The following CELF2 variants were observed in gnomAD, a reference collection of about 807,000 sequenced individuals.
CELF2 encodes the protein CUGBP Elav-like family member 2.
CELF2 carries 8 observed loss-of-function variants against 62.6 expected under a neutral mutation model. That is an observed-to-expected ratio of 0.13 (90% CI 0.07 to 0.23). The LOEUF (loss-of-function observed/expected upper bound fraction) is 0.23, where lower values mean the gene tolerates loss of function less well. CELF2 is among the 10% of genes least tolerant of loss of function. CELF2 has a pLI of 1.00. For missense variants in CELF2, 333 were observed against 671.0 expected (o/e 0.50, Z 5.56); for synonymous variants, 258 against 250.0 (o/e 1.03, Z -0.30).
At chr10:10,901,989 CATT>C (rs1024062019) in intron 1 of CELF2, among the ~76,000 whole-genome samples, 6 of 152,142 alleles carry the variant, frequency 3.9e-5, no homozygotes, top group African/African-American at 1.4e-4. Flanking sequence ...TTCTCAACAT[CATT>C]AGTTATTAGT....
At chr10:10,530,912 A>G in the CELF2 span, among the ~76,000 whole-genome samples, 2 of 152,226 alleles carry the variant, frequency 1.3e-5, no homozygotes, top group African/African-American at 4.8e-5. Flanking sequence ...GGCGTAAACC[A>G]GAGGGTGGAC....
At chr10:11,085,550 T>C (rs2046472703) in intron 1 of CELF2, among the ~76,000 whole-genome samples, 2 of 152,164 alleles carry the variant, frequency 1.3e-5, no homozygotes, top group African/African-American at 4.8e-5. Context: ...ATTAAATCCA[T>C]CACAGTGACC....
the CELF2 span, among the ~76,000 whole-genome samples, chr10:10,494,838 CA>C: frequency 6.6e-6 from 1 of 152,146 alleles, no homozygotes; most frequent in Non-Finnish European, 1.5e-5. Flanking sequence ...CTACATACAA[CA>C]AAAGGTCCAA....
chr10:11,302,696 T>C lies in CELF2; in HGVS notation c.977-11443T>C, dbSNP rs959646368. 3.7e-4 allele frequency among the ~76,000 whole-genome samples: 57 copies of C among 152,182 alleles called. No homozygotes were observed. The highest frequency in any genetic ancestry group is 6.2e-4 in the Non-Finnish European group (42 of 68,028). ...GGTGTGGCAGCTGCTGTGTATAGGT[T>C]TCCCCGGGAGAGAAAGTAAAAGCTG... On this transcript the variant is annotated intron_variant, in intron 9 of 12. Coordinates refer to ENST00000633077, the MANE Select transcript of CELF2 (RefSeq NM_001326342.2). This position sits in a 1 kb window ranked among gnomAD's most constrained non-coding sequence, Gnocchi z 5.0.
chr10:10,946,600 C>G (rs895402677), intron 2 of CELF2: 2 of 152,328 alleles, frequency 1.3e-5, no homozygotes, highest in African/African-American at 4.8e-5. Flanking sequence ...TTTTTCTTTT[C>G]CTAAAGAGAT....
intron 1 of CELF2, among the ~76,000 whole-genome samples, chr10:11,024,935 A>G (rs768582722): frequency 6.6e-6 from 1 of 152,212 alleles, no homozygotes; most frequent in Non-Finnish European, 1.5e-5. Flanking sequence ...TACTAAGTCT[A>G]AAATTCTGTG....
intron 1 of CELF2, chr10:11,102,178 A>G (rs2051871410): frequency 6.6e-6 from 1 of 152,194 alleles, no homozygotes; most frequent in Non-Finnish European, 1.5e-5. Flanking sequence ...CAGTGAATCC[A>G]TTACCTAAGC....
chr10:11,313,958 A>AT lies in CELF2; in HGVS notation c.977-174dup, dbSNP rs549522058. Among the ~76,000 whole-genome samples, 15 of 152,234 alleles carry AT rather than the reference A, an allele frequency of 9.9e-5. No individual in the cohort carries two copies. The South Asian group carries it at 3.1e-3, about 32-fold the overall frequency. ...GTATTGGTAAAACAGTGCTGTGAAG[A>AT]TTTTTTTAATCACCAAATCTGTCAA... is the stretch of plus-strand genomic sequence containing the variant. On this transcript the variant is annotated intron_variant, in intron 9 of 12. Transcript: ENST00000633077.
Position 11,112,556 on chromosome 10 carries a change from C to T in CELF2, c.75-52930C>T, listed in dbSNP as rs572625715. On this transcript the variant is annotated intron_variant, in intron 1 of 12. Transcript: ENST00000633077. The stretch of plus-strand genomic sequence containing the variant: ...GGTGCTTCAGCTTTCCAACTGGTTA[C>T]CAGTTGTTTTCTGATAGCAAAGGAA... 7.5e-4 allele frequency among the ~76,000 whole-genome samples: 114 copies of T among 152,234 alleles called. 1 individual carries two copies. In the Middle Eastern group the frequency reaches 0.01, roughly 14 times the overall value.
intron 3 of CELF2, among the ~76,000 whole-genome samples, chr10:11,228,588 C>G (rs2067391138): frequency 6.6e-6 from 1 of 152,070 alleles, no homozygotes; most frequent in South Asian, 2.1e-4. Flanking sequence ...ATCTGACTTA[C>G]AATTTACTAA....
the CELF2 span, among the ~76,000 whole-genome samples, chr10:10,749,315 T>TTC: frequency 2.6e-5 from 4 of 152,170 alleles, no homozygotes. Context: ...GCATATCACC[T>TTC]TCTACTCCCT....
chr10:11,005,280 G>GAGAGAA (rs2055017150), upstream of CELF2: 1 of 1,592,806 alleles, frequency 6.3e-7, no homozygotes, highest in Non-Finnish European at 8.6e-7. The surrounding 1 kb of genome is among the most constrained non-coding windows in gnomAD (Gnocchi z 4.3). Context: ...GAGAGAGAGA[G>GAGAGAA]AGAGAGAGAG....
rs1003994093 is a variant in CELF2 at position 11,012,835 on chromosome 10, C to G, written c.53+7395C>G. On this transcript the variant is annotated intron_variant, in intron 1 of 12. Coordinates refer to the CELF2 transcript ENST00000416382. This position sits in a 1 kb window ranked among gnomAD's most constrained non-coding sequence, Gnocchi z 5.5. ...GGGCACTTGGTATGGTTTGACAAAT[C>G]TCGGCATCTTCAAGAGGGCACTGGG... 2.6e-5 allele frequency among the ~76,000 whole-genome samples: 4 copies of G among 152,048 alleles called. No individual in the cohort carries two copies. Among genetic ancestry groups the G allele is most frequent in the African/African-American group, 7.2e-5 (3 of 41,406 alleles).
the CELF2 span, among the ~76,000 whole-genome samples, chr10:10,790,669 G>A: frequency 6.6e-6 from 1 of 152,106 alleles, no homozygotes; most frequent in South Asian, 2.1e-4. Context: ...AATGGTGAAA[G>A]GATTACCAAT....
At chr10:10,733,836 C>G in the CELF2 span, among the ~76,000 whole-genome samples, 1 of 152,138 alleles carries the variant, frequency 6.6e-6, no homozygotes, top group Non-Finnish European at 1.5e-5. Flanking sequence ...AACTACAATT[C>G]AAGATGAGAT....
Position 11,214,444 on chromosome 10 carries a change from A to G in CELF2, c.272-2981A>G, listed in dbSNP as rs762289296. Reference sequence around the variant, plus strand: ...TCTGCCCAGGACCCCACATTTGTGTAAGTTGCTAATTGCACAAGGGTATCC... The same window carrying G: ...TCTGCCCAGGACCCCACATTTGTGTGAGTTGCTAATTGCACAAGGGTATCC... On this transcript the variant is annotated intron_variant, in intron 2 of 12. Coordinates refer to ENST00000633077, the MANE Select transcript of CELF2 (RefSeq NM_001326342.2). This position sits in a 1 kb window ranked among gnomAD's most constrained non-coding sequence, Gnocchi z 4.2. Among the ~76,000 whole-genome samples the G allele has an allele frequency of 2.6e-5, 4 of 152,338 alleles. No homozygotes were observed. Among genetic ancestry groups the G allele is most frequent in the African/African-American group, 7.2e-5 (3 of 41,576 alleles).
At chr10:11,274,939 C>A in intron 7 of CELF2, 118 bp from the exon 8 acceptor site, 1 of 870,262 alleles carries the variant, frequency 1.1e-6, no homozygotes, top group Non-Finnish European at 1.9e-6. Context: ...TTCAGTCCAT[C>A]AGTAGGGAGT....
chr10:10,632,892 A>G, the CELF2 span, among the ~76,000 whole-genome samples: 1 of 152,204 alleles, frequency 6.6e-6, no homozygotes, highest in East Asian at 1.9e-4. Flanking sequence ...ATATTTGCAT[A>G]AGATGCCAAC....
At chr10:11,258,950 C>T (rs368571801) in intron 5 of CELF2, among the ~76,000 whole-genome samples, 2 of 152,246 alleles carry the variant, frequency 1.3e-5, no homozygotes, top group Admixed American at 6.5e-5. Context: ...TCCCAAAGTG[C>T]TGGGATTACA....
Sources: allele counts gnomAD v4.1 joint callset (sites outside exome capture counted in the v4.1 genomes callset), GRCh38; gene constraint gnomAD v4.1.1; non-coding constraint Gnocchi (gnomAD v3.1); transcripts MANE v1.5; gene names NCBI Gene and HGNC (gene_info 2026-07-23, HGNC 2026-07-21).